Variants in NCKAP5 observed in about 807,000 individuals in gnomAD.
The protein encoded by NCKAP5 is nck-associated protein 5.
NCKAP5 carries 92 observed loss-of-function variants against 167.0 expected under a neutral mutation model. That is an observed-to-expected ratio of 0.55 (90% confidence interval 0.47 to 0.66). The LOEUF (loss-of-function observed/expected upper bound fraction) is 0.66. NCKAP5 is among the 30% of genes least tolerant of loss of function. NCKAP5 has a pLI of 0.00. For missense variants in NCKAP5, 2,378 were observed against 2,315.0 expected, an observed-to-expected ratio of 1.03 and a Z score of -0.56; for synonymous variants, 891 against 877.4, an observed-to-expected ratio of 1.02 and a Z score of -0.27.
In NCKAP5 at chr2:132,682,810, A is replaced by G. The variant is rs542596245; in HGVS notation, c.5714-9505T>C. On this transcript the variant is annotated intron_variant, in intron 19 of 19. Coordinates refer to ENST00000409261, the MANE Select transcript of NCKAP5 (RefSeq NM_207363.3). ...CATAGGTTAACTAGTTACTATTTAC[A>G]CTCAACTTTCTTAACCTTTCTGAGT... Among the ~76,000 whole-genome samples the G allele has an allele frequency of 4.6e-5, 7 of 151,892 alleles. No individual in the cohort carries two copies. The East Asian group carries it at 1.4e-3, about 29-fold the overall frequency.
At position 133,132,886 on chromosome 2, in the gene NCKAP5, C is replaced by A. The variant is rs539614828; in HGVS notation, c.208-2775G>T. Reference sequence around the variant, plus strand: ...AGAGACAGGGTTTCTCGATGTTAGCCAGGATGGTCTTGATCTCCTGACCTT... The same window carrying A: ...AGAGACAGGGTTTCTCGATGTTAGCAAGGATGGTCTTGATCTCCTGACCTT... On this transcript the variant is annotated intron_variant, in intron 5 of 19. Coordinates refer to ENST00000409261, the MANE Select transcript of NCKAP5 (RefSeq NM_207363.3). Among the ~76,000 whole-genome samples the A allele has an allele frequency of 4.6e-5, 7 of 152,166 alleles. No individual in the cohort carries two copies. The South Asian group carries it at 1.2e-3, about 27-fold the overall frequency.
At chr2:132,925,470 G>A (rs1695793941) in intron 8 of NCKAP5, among the ~76,000 whole-genome samples, 3 of 150,908 alleles carry the variant, frequency 2.0e-5, no homozygotes, top group South Asian at 4.2e-4. Context: ...GCTGAGGCAG[G>A]AGAATGGCGT....
chr2:133,428,023 T>C (rs929415493), intron 3 of NCKAP5, among the ~76,000 whole-genome samples: 1 of 152,122 alleles, frequency 6.6e-6, no homozygotes, highest in African/African-American at 2.4e-5. Flanking sequence ...AAAGTGATGA[T>C]TGTTCCCAAA....
chr2:133,506,906 G>A (rs1165720436), intron 3 of NCKAP5, among the ~76,000 whole-genome samples: 1 of 152,110 alleles, frequency 6.6e-6, no homozygotes, highest in East Asian at 1.9e-4. Flanking sequence ...CCTCTAAGAG[G>A]ATGAGAAAGG....
At chr2:133,349,562 T>G (rs921532463) in intron 3 of NCKAP5, among the ~76,000 whole-genome samples, 2 of 152,244 alleles carry the variant, frequency 1.3e-5, no homozygotes, top group East Asian at 3.8e-4. Context: ...ATCTTCTCCT[T>G]CCCTAGCACT....
intron 11 of NCKAP5, among the ~76,000 whole-genome samples, chr2:132,813,035 T>G (rs1686001642): frequency 6.6e-6 from 1 of 152,146 alleles, no homozygotes; most frequent in Non-Finnish European, 1.5e-5. Flanking sequence ...CATATGAATT[T>G]GGGGGAAGAG....
At chr2:133,515,798 C>G (rs1307425963) in intron 3 of NCKAP5, among the ~76,000 whole-genome samples, 1 of 152,204 alleles carries the variant, frequency 6.6e-6, no homozygotes, top group Non-Finnish European at 1.5e-5. Context: ...ACTCACGTCC[C>G]CCTGCCCTGT....
At chr2:132,966,568 G>A (rs1200277773) in intron 7 of NCKAP5, among the ~76,000 whole-genome samples, 1 of 152,196 alleles carries the variant, frequency 6.6e-6, no homozygotes, top group Non-Finnish European at 1.5e-5. Flanking sequence ...CTTAGGAAAT[G>A]TGAAATTATT....
At chr2:133,667,458 C>A in the NCKAP5 span, among the ~76,000 whole-genome samples, 2 of 152,020 alleles carry the variant, frequency 1.3e-5, no homozygotes, top group African/African-American at 4.8e-5. Context: ...CTGGTAGGAT[C>A]ATTGCCATAG....
At chr2:133,538,877 C>T (rs530269807) in intron 2 of NCKAP5, among the ~76,000 whole-genome samples, 4 of 145,526 alleles carry the variant, frequency 2.7e-5, no homozygotes, top group African/African-American at 1.0e-4. Flanking sequence ...GATAGCTCAG[C>T]TTCATCTGAG....
the NCKAP5 span, among the ~76,000 whole-genome samples, chr2:133,652,682 A>T: frequency 6.6e-6 from 1 of 152,248 alleles, no homozygotes; most frequent in Non-Finnish European, 1.5e-5. Context: ...CTGGGGGAAT[A>T]AGAAGCACAG....
chr2:133,411,078 G>GT (rs1419893384), intron 3 of NCKAP5, among the ~76,000 whole-genome samples: 1 of 152,214 alleles, frequency 6.6e-6, no homozygotes, highest in Non-Finnish European at 1.5e-5. Flanking sequence ...TGGGGCCTTG[G>GT]AAAAGTTTCC....
chr2:133,429,675 A>ACGGTGT (rs149364963), intron 3 of NCKAP5, among the ~76,000 whole-genome samples: 16,739 of 152,118 alleles, frequency 0.11, 972 homozygotes, highest in Middle Eastern at 0.19. Context: ...ATAGTATTCC[A>ACGGTGT]CGGTGTTTAT....
chr2:132,968,694 T>C (rs2076738838), intron 7 of NCKAP5, among the ~76,000 whole-genome samples: 1 of 152,146 alleles, frequency 6.6e-6, no homozygotes. Context: ...TGAGAGCTGT[T>C]TGACTAAAGT....
chr2:133,423,611 C>A lies in NCKAP5; in HGVS notation c.69+93847G>T, dbSNP rs1245505064. Among the ~76,000 whole-genome samples, 3 of 152,174 alleles carry A rather than the reference C, an allele frequency of 2.0e-5. No homozygotes were observed. The East Asian group carries it at 5.8e-4, about 29-fold the overall frequency. ...ATTAGAATGGATGTTTGACATTTAT[C>A]TTGCAATCCCACTAGAAGGACAAGG... On this transcript the variant is annotated intron_variant, in intron 3 of 19. Coordinates refer to ENST00000409261, the MANE Select transcript of NCKAP5 (RefSeq NM_207363.3).
At chr2:133,067,328 T>C (rs773256290) in intron 6 of NCKAP5, among the ~76,000 whole-genome samples, 1 of 152,266 alleles carries the variant, frequency 6.6e-6, no homozygotes, top group Non-Finnish European at 1.5e-5. Flanking sequence ...CTAATGCTAC[T>C]TAAATTTATG....
intron 5 of NCKAP5, among the ~76,000 whole-genome samples, chr2:133,208,898 G>A (rs2086081949): frequency 6.6e-6 from 1 of 152,098 alleles, no homozygotes; most frequent in Admixed American, 6.6e-5. Context: ...AAACGTATAA[G>A]CAGTCAAGTA....
At chr2:133,163,494 T>G (rs890527774) in intron 5 of NCKAP5, among the ~76,000 whole-genome samples, 1 of 152,374 alleles carries the variant, frequency 6.6e-6, no homozygotes, top group Non-Finnish European at 1.5e-5. Flanking sequence ...TTACATCTAC[T>G]TAGTACTGAC....
chr2:133,036,743 C>T (rs1174974051), intron 6 of NCKAP5, among the ~76,000 whole-genome samples: 1 of 151,998 alleles, frequency 6.6e-6, no homozygotes, highest in African/African-American at 2.4e-5. Context: ...AAAGCCTTTC[C>T]TTTAATATCT....
Sources: allele counts gnomAD v4.1 joint callset (sites outside exome capture counted in the v4.1 genomes callset), GRCh38; gene constraint gnomAD v4.1.1; transcripts MANE v1.5; gene names NCBI Gene and HGNC (gene_info 2026-07-23, HGNC 2026-07-21).